FNIP1: variants seen among roughly 807,000 people sequenced by gnomAD.
FNIP1 encodes folliculin-interacting protein 1.
Under a neutral mutation model 124.5 loss-of-function variants are expected in FNIP1, and 40 were observed. The ratio of observed to expected loss-of-function variants is 0.32; its 90% CI spans 0.25 to 0.42. FNIP1 has a LOEUF of 0.42. Among genes scored for constraint, FNIP1 ranks in the 10% least tolerant of loss-of-function variants. The probability of loss-of-function intolerance (pLI) is 1.00; values close to 1 mark genes in which losing one functional copy is unlikely to be tolerated. For missense variants in FNIP1, 1,176 were observed against 1,403.7 expected, an observed-to-expected ratio of 0.84 and a Z score of 2.59; for synonymous variants, 472 against 470.6, an observed-to-expected ratio of 1.00 and a Z score of -0.04.
At chr5:131,716,723 T>C in intron 5 of FNIP1, 67 bp from the exon 6 acceptor site, 2 of 950,220 alleles carry the variant, frequency 2.1e-6, no homozygotes, top group Non-Finnish European at 3.1e-6. Flanking sequence ...TCTTTGTACA[T>C]CCTGATGAAA....
intron 3 of FNIP1, among the ~76,000 whole-genome samples, chr5:131,723,167 A>C (rs1769734115): frequency 6.6e-6 from 1 of 152,170 alleles, no homozygotes; most frequent in Non-Finnish European, 1.5e-5. Context: ...TAAAATAGCT[A>C]TTTAAAAAAT....
At chr5:131,730,844 G>T in intron 3 of FNIP1, 60 bp downstream of exon 3, 1 of 1,409,346 alleles carries the variant, frequency 7.1e-7, no homozygotes, top group Non-Finnish European at 9.7e-7. Context: ...ACAGTCCACT[G>T]GATGATGTTC....
At chr5:131,681,762 T>TAA (rs34881164) in intron 11 of FNIP1, among the ~76,000 whole-genome samples, 5,510 of 109,226 alleles carry the variant, frequency 0.05, 334 homozygotes, top group East Asian at 0.31. Flanking sequence ...TGCCAATTTC[T>TAA]AAAAAAAAAA....
At chr5:131,701,778 A>G (rs184520982) in intron 10 of FNIP1, among the ~76,000 whole-genome samples, 8 of 152,310 alleles carry the variant, frequency 5.3e-5, no homozygotes, top group Admixed American at 2.6e-4. Flanking sequence ...TTCAGCAGCC[A>G]TATACAAAAC....
chr5:131,777,375 C>T (rs1771845550), intron 1 of FNIP1, among the ~76,000 whole-genome samples: 1 of 151,886 alleles, frequency 6.6e-6, no homozygotes, highest in South Asian at 2.1e-4. Context: ...ATACTAAATG[C>T]TGTTCCTACC....
intron 6 of FNIP1, among the ~76,000 whole-genome samples, chr5:131,712,653 T>G (rs2149538123): frequency 6.6e-6 from 1 of 152,334 alleles, no homozygotes; most frequent in African/African-American, 2.4e-5. Context: ...GGGGTATTAG[T>G]GTAATTTTTC....
rs570528552 is a variant in FNIP1, at chr5:131,796,986, C to T, written c.-65G>A. On this transcript the variant is annotated 5_prime_UTR_variant, in exon 1 of 18. Transcript: ENST00000510461. ...TGCTAGGCCCCTGCTCCTACAGCCG[C>T]CCCGCCACCCCCATGGGCGCCTCAG... 4,072 of 1,405,372 alleles carry T rather than the reference C, an allele frequency of 2.9e-3. 16 individuals carry two copies. The highest frequency in any genetic ancestry group is 0.016 in the Middle Eastern group (88 of 5,590). The allele number at this position is 1,405,372 out of a possible 1,614,324, so 87.1% of individuals were successfully genotyped here.
intron 15 of FNIP1, among the ~76,000 whole-genome samples, chr5:131,662,269 T>C (rs537804746): frequency 6.6e-6 from 1 of 152,226 alleles, no homozygotes; most frequent in Admixed American, 6.5e-5. Flanking sequence ...AGATGCCTCT[T>C]CTACCCTAGA....
chr5:131,653,167 T>G (rs1767090197), intron 15 of FNIP1, among the ~76,000 whole-genome samples: 1 of 151,894 alleles, frequency 6.6e-6, no homozygotes, highest in Admixed American at 6.6e-5. Flanking sequence ...CTGTCCAGAG[T>G]ATGAATACAG....
chr5:131,775,088 A>G (rs1771757823), intron 1 of FNIP1, among the ~76,000 whole-genome samples: 2 of 152,388 alleles, frequency 1.3e-5, no homozygotes, highest in South Asian at 4.1e-4. Flanking sequence ...GTTTCACGGA[A>G]GCATATGCAA....
intron 11 of FNIP1, among the ~76,000 whole-genome samples, chr5:131,697,593 T>C (rs1768743681): frequency 6.6e-6 from 1 of 152,130 alleles, no homozygotes; most frequent in African/African-American, 2.4e-5. Context: ...ATTTAAAAAG[T>C]ATACATGATA....
At chr5:131,698,881 G>T in intron 11 of FNIP1, 36 bp downstream of exon 11, 3 of 1,530,130 alleles carry the variant, frequency 2.0e-6, no homozygotes, top group South Asian at 2.4e-5. Flanking sequence ...TGTACACTAT[G>T]AATTACTGCA....
chr5:131,763,760 A>AT (rs570611353), intron 1 of FNIP1, among the ~76,000 whole-genome samples: 177 of 152,314 alleles, frequency 1.2e-3, no homozygotes, highest in Non-Finnish European at 1.9e-3. Context: ...ATGTTACAAT[A>AT]TATAATTTTT....
At chr5:131,721,244 C>A (rs1367790378) in intron 3 of FNIP1, among the ~76,000 whole-genome samples, 1 of 151,846 alleles carries the variant, frequency 6.6e-6, no homozygotes, top group East Asian at 1.9e-4. Flanking sequence ...ATAAATACTG[C>A]ATGATAAGAT....
chr5:131,686,987 A>C (rs1393347997), intron 11 of FNIP1, among the ~76,000 whole-genome samples: 1 of 151,328 alleles, frequency 6.6e-6, no homozygotes, highest in Non-Finnish European at 1.5e-5. Context: ...CTCTAGTGAC[A>C]GCAGTATCTG....
At chr5:131,787,589 T>C (rs903916121) in intron 1 of FNIP1, among the ~76,000 whole-genome samples, 1 of 152,220 alleles carries the variant, frequency 6.6e-6, no homozygotes, top group Non-Finnish European at 1.5e-5. Context: ...CATCACTTAA[T>C]AGCCACGTGA....
intron 1 of FNIP1, among the ~76,000 whole-genome samples, chr5:131,751,958 C>T (rs1770885958): frequency 6.6e-6 from 1 of 152,262 alleles, no homozygotes. Flanking sequence ...CTGAATCACG[C>T]ACTTTAGAAG....
intron 3 of FNIP1, among the ~76,000 whole-genome samples, chr5:131,726,604 A>T (rs1258042629): frequency 6.6e-6 from 1 of 152,078 alleles, no homozygotes; most frequent in Non-Finnish European, 1.5e-5. Context: ...TAATCTTTTC[A>T]AAAAACCAGC....
intron 6 of FNIP1, among the ~76,000 whole-genome samples, chr5:131,713,306 A>G (rs774719288): frequency 3.3e-5 from 5 of 151,948 alleles, no homozygotes; most frequent in Non-Finnish European, 5.9e-5. Flanking sequence ...TTGGCCTCCC[A>G]AAGTGCTGGG....
Sources: gnomAD v4.1 joint callset for allele counts (sites outside exome capture counted in the v4.1 genomes callset) on GRCh38, gnomAD v4.1.1 for gene constraint, MANE v1.5 for transcripts, NCBI Gene and HGNC (gene_info 2026-07-23, HGNC 2026-07-21) for gene names.